Variants in UBE4A observed in about 807,000 individuals in gnomAD.
UBE4A encodes ubiquitination factor E4A.
In UBE4A, 48 loss-of-function variants were observed where a neutral mutation model predicts 117.9. That is an observed-to-expected ratio of 0.41 (90% CI 0.32 to 0.52). The LOEUF is 0.52. UBE4A is among the 20% of genes least tolerant of loss of function. The probability of loss-of-function intolerance (pLI) is 0.33; values close to 1 mark genes in which losing one functional copy is unlikely to be tolerated. For missense variants in UBE4A, 1,067 were observed against 1,296.3 expected (o/e 0.82, Z 2.72); for synonymous variants, 407 against 450.0 (o/e 0.90, Z 1.21).
chr11:118,394,036 T>C (rs782209224), intron 19 of UBE4A, among the ~76,000 whole-genome samples: 4 of 152,222 alleles, frequency 2.6e-5, no homozygotes. Flanking sequence ...ATTATAACTA[T>C]AGAAAAGACA....
intron 8 of UBE4A, 51 bp downstream of exon 8, chr11:118,373,736 C>T (rs1214912888): frequency 5.8e-6 from 9 of 1,560,736 alleles, no homozygotes; most frequent in Non-Finnish European, 6.9e-6. Flanking sequence ...AAAGAGTTTT[C>T]TCAGAAAGCA....
intron 10 of UBE4A, 125 bp downstream of exon 10, chr11:118,376,819 G>A: frequency 8.5e-7 from 1 of 1,179,352 alleles, no homozygotes; most frequent in Admixed American, 2.4e-5. Flanking sequence ...GGAGGCCAAG[G>A]CAGAAGGATT....
intron 5 of UBE4A, 98 bp from the exon 6 acceptor site, chr11:118,372,409 A>C: frequency 8.0e-7 from 1 of 1,246,960 alleles, no homozygotes; most frequent in Non-Finnish European, 1.1e-6. Context: ...AAGCATCCAC[A>C]GGAGACCAGT....
In UBE4A at chr11:118,399,178, A is replaced by C. The variant is rs1172574382; in HGVS notation, c.*2738A>C. 19 of 389,872 alleles carry C rather than the reference A, an allele frequency of 4.9e-5. 1 individual carries two copies. The highest frequency in any genetic ancestry group is 9.0e-5 in the Non-Finnish European group (17 of 188,582). 24.2% of individuals were successfully genotyped at this position (389,872 alleles called of 1,614,324 possible). ...ACTTGCCTGGCAGTGTTTGTTCAAA[A>C]CTTGTATTTAATAAATGAACATCTG... On this transcript the variant is annotated 3_prime_UTR_variant, in exon 20 of 20. Coordinates refer to ENST00000252108, the MANE Select transcript of UBE4A (RefSeq NM_001204077.2).
At position 118,376,763 on chromosome 11, in the gene UBE4A, T is replaced by C; in HGVS notation, c.1571+69T>C. 1.9e-6 allele frequency: 3 copies of C among 1,563,608 alleles called. No individual in the cohort carries two copies. In the South Asian group the frequency reaches 3.5e-5, roughly 18 times the overall value. ...TGATAACTAGAAGGTAGAAATTGAG[T>C]CTTTGGCCAGGCACAGTAGCTCACA... On this transcript the variant is annotated intron_variant, in intron 10 of 19. Coordinates refer to ENST00000252108, the MANE Select transcript of UBE4A (RefSeq NM_001204077.2).
At chr11:118,383,062 G>A (rs1555126625) in intron 13 of UBE4A, among the ~76,000 whole-genome samples, 1 of 151,790 alleles carries the variant, frequency 6.6e-6, no homozygotes, top group African/African-American at 2.4e-5. Context: ...GTTTGTCCAT[G>A]TCATAACAAA....
chr11:118,379,341 C>A, intron 10 of UBE4A, 105 bp from the exon 11 acceptor site: 1 of 1,291,004 alleles, frequency 7.7e-7, no homozygotes, highest in Non-Finnish European at 1.1e-6. Context: ...GCAACTGCAA[C>A]TCCCTACTAT....
chr11:118,383,222 G>A (rs782548820), intron 13 of UBE4A, among the ~76,000 whole-genome samples: 2 of 152,100 alleles, frequency 1.3e-5, no homozygotes, highest in Non-Finnish European at 2.9e-5. Context: ...TGCATAAAGA[G>A]GCAGTGTATT....
At chr11:118,394,805 CA>C (rs767108134) in intron 19 of UBE4A, among the ~76,000 whole-genome samples, 1 of 151,456 alleles carries the variant, frequency 6.6e-6, no homozygotes, top group East Asian at 1.9e-4. Context: ...TATATCTCTA[CA>C]AAAAATTATT....
chr11:118,360,045 A>G (rs1252254146), intron 1 of UBE4A, among the ~76,000 whole-genome samples: 1 of 152,216 alleles, frequency 6.6e-6, no homozygotes, highest in Non-Finnish European at 1.5e-5. Context: ...TAAAATATAA[A>G]GAGTAGATAA....
In UBE4A at chr11:118,384,726, G is replaced by A; in HGVS notation, c.2289G>A (p.Glu763=). 6.2e-7 allele frequency: 1 copy of A among 1,613,866 alleles called. No homozygotes were observed. Among genetic ancestry groups the A allele is most frequent in the Admixed American group, 1.7e-5 (1 of 59,990 alleles). ...RYMWGTDTYR[E]SIKDLADYAS... ...TGTGGGGGACAGATACCTATCGGGAGAGCATTAAGGTGAGAGAGTTTTTGA... is the reference window on the plus strand; with the variant it reads ...TGTGGGGGACAGATACCTATCGGGAAAGCATTAAGGTGAGAGAGTTTTTGA... The change falls in exon 14 of 20, where the codon GAG becomes GAA. Residue 763 remains glutamate, a synonymous_variant. Transcript: ENST00000252108.
rs766303538 is a variant in UBE4A at position 118,372,665 on chromosome 11, C to A, written c.720C>A (p.Ala240=). ...TGATGTTAGAAGCCATCCAGGGAGCCCGTGAGTACATGAACAAGATCTGTA... is the reference window on the plus strand; with the variant it reads ...TGATGTTAGAAGCCATCCAGGGAGCACGTGAGTACATGAACAAGATCTGTA... ...VDLMLEAIQG[A]HFEDVTEFLE... Residue 240 remains alanine, a splice_region_variant and synonymous_variant, in exon 6 of 20, where the codon GCC becomes GCA. Transcript: ENST00000252108. The A allele has an allele frequency of 3.7e-6, 6 of 1,613,482 alleles. No homozygotes were observed. Among genetic ancestry groups the A allele is most frequent in the Non-Finnish European group, 5.1e-6 (6 of 1,179,888 alleles).
chr11:118,379,263 A>G (rs1048096495), intron 10 of UBE4A, among the ~76,000 whole-genome samples, 183 bp from the exon 11 acceptor site: 3 of 152,198 alleles, frequency 2.0e-5, no homozygotes, highest in Admixed American at 6.5e-5. Flanking sequence ...ACTTGGCAGC[A>G]TTTTCCCATT....
chr11:118,387,689 A>G (rs1948772108), intron 16 of UBE4A, among the ~76,000 whole-genome samples: 2 of 152,228 alleles, frequency 1.3e-5, no homozygotes, highest in Non-Finnish European at 2.9e-5. Flanking sequence ...GGTAAAAACA[A>G]GACCCTAAAA....
chr11:118,381,427 T>C lies in UBE4A; in HGVS notation c.1913T>C (p.Phe638Ser). 1.9e-6 allele frequency: 3 copies of C among 1,614,218 alleles called. No homozygotes were observed. Among genetic ancestry groups the C allele is most frequent in the Non-Finnish European group, 2.5e-6 (3 of 1,180,028 alleles). Residue 638 changes from phenylalanine (F) to serine (S), a missense_variant, in exon 12 of 20, where the codon TTT becomes TCT. By Grantham distance (155) the Phe-to-Ser change is radical. This residue lies in a region of UBE4A where 1,001 missense variants were observed against 1,184.0 expected (regional missense o/e 0.85). Coordinates refer to ENST00000252108, the MANE Select transcript of UBE4A (RefSeq NM_001204077.2). ...GATAACCTGGGTGATTTTCTCATTT[T>C]TCTCCGCCGCTTTGCCGATGACATT... Reference protein sequence around the residue: ...FADNLGDFLIFLRRFADDILE... With the variant: ...FADNLGDFLISLRRFADDILE...
At chr11:118,376,778 A>T in intron 10 of UBE4A, 84 bp downstream of exon 10, 2 of 1,484,002 alleles carry the variant, frequency 1.3e-6, no homozygotes, top group Non-Finnish European at 1.8e-6. Context: ...GGCCAGGCAC[A>T]GTAGCTCACA....
rs781832318 is a variant in UBE4A at position 118,396,492 on chromosome 11, T to C, written c.*52T>C. 3 of 1,572,094 alleles carry C rather than the reference T, an allele frequency of 1.9e-6. No individual in the cohort carries two copies. The highest frequency in any genetic ancestry group is 2.6e-6 in the Non-Finnish European group (3 of 1,164,598). On this transcript the variant is annotated 3_prime_UTR_variant, in exon 20 of 20. Transcript: ENST00000252108. ...CAACCCCAGAGTGCAGATAAACAATTGTTTGTGGTTTCTCTCTTTCTGGTT... is the reference window on the plus strand; with the variant it reads ...CAACCCCAGAGTGCAGATAAACAATCGTTTGTGGTTTCTCTCTTTCTGGTT...
At chr11:118,388,253 A>G (rs1243089756) in intron 16 of UBE4A, among the ~76,000 whole-genome samples, 1 of 152,180 alleles carries the variant, frequency 6.6e-6, no homozygotes, top group Non-Finnish European at 1.5e-5. Context: ...AACCAAACAT[A>G]GCATTATGAT....
chr11:118,374,856 A>C, intron 8 of UBE4A, 40 bp from the exon 9 acceptor site: 3 of 1,466,486 alleles, frequency 2.0e-6, no homozygotes, highest in Non-Finnish European at 2.7e-6. Flanking sequence ...AACTATTAGG[A>C]TTGTGAAACG....
Sources: allele counts gnomAD v4.1 joint callset (sites outside exome capture counted in the v4.1 genomes callset), GRCh38; gene constraint gnomAD v4.1.1; regional missense constraint gnomAD v4.1.1; transcripts MANE v1.5; gene names NCBI Gene and HGNC (gene_info 2026-07-23, HGNC 2026-07-21).